Variants in PRH1 observed in about 807,000 individuals in gnomAD.
PRH1 encodes salivary acidic proline-rich phosphoprotein 1/2.
A neutral mutation model predicts 7.9 loss-of-function variants in PRH1; 7 were observed. The observed-to-expected ratio is 0.89, with a 90% CI of 0.50 to 1.67. PRH1 has a LOEUF of 1.67. Ranked by LOEUF, PRH1 falls within the 40% of genes most tolerant of loss-of-function variation. PRH1 has a pLI of 0.00. For synonymous variants in PRH1, 45 were observed against 80.8 expected, an observed-to-expected ratio of 0.56 and a Z score of 2.38; for missense variants, 109 against 223.6, an observed-to-expected ratio of 0.49 and a Z score of 3.27.
chr12:11,026,621 G>C (rs1423840566), intron 1 of PRH1, among the ~76,000 whole-genome samples: 1 of 152,020 alleles, frequency 6.6e-6, no homozygotes, highest in African/African-American at 2.4e-5. Flanking sequence ...CAAAACACTT[G>C]AAAGTTACAG....
chr12:10,889,847 T>C (rs1446178181), intron 2 of PRH1, among the ~76,000 whole-genome samples: 2 of 152,114 alleles, frequency 1.3e-5, no homozygotes. Flanking sequence ...TTCTAAAATA[T>C]CTGTTTTCTT....
rs1331867256 is a variant in PRH1 at position 10,882,075 on chromosome 12, C to T, written c.*18+142G>A. 3 of 1,480,888 alleles carry T rather than the reference C, an allele frequency of 2.0e-6. No individual in the cohort carries two copies. In the African/African-American group the frequency reaches 4.2e-5, roughly 21 times the overall value. The allele number at this position is 1,480,888 out of a possible 1,614,324, so 91.7% of individuals were successfully genotyped here. A position where few individuals can be genotyped will look rare whatever the true frequency, so the allele number is the denominator to read the frequency against. Reference sequence around the variant, plus strand: ...GGTCACAGGGTCTTGATACTCTATACAAGAATATCTGAATAACAATTTTTA... The same window carrying T: ...GGTCACAGGGTCTTGATACTCTATATAAGAATATCTGAATAACAATTTTTA... On this transcript the variant is annotated intron_variant, in intron 3 of 3. Coordinates refer to ENST00000543626, the MANE Select transcript of PRH1 (RefSeq NM_001393989.1).
intron 1 of PRH1, among the ~76,000 whole-genome samples, chr12:10,994,121 A>T (rs1372455240): frequency 1.3e-5 from 2 of 152,210 alleles, no homozygotes; most frequent in African/African-American, 4.8e-5. Flanking sequence ...CATGGGACAC[A>T]AACATGTGCT....
At chr12:10,969,281 G>C (rs775035254) in intron 2 of PRH1, among the ~76,000 whole-genome samples, 1 of 152,002 alleles carries the variant, frequency 6.6e-6, no homozygotes, top group African/African-American at 2.4e-5. Context: ...TTCTCCTCTC[G>C]ATCTTCAGCC....
At position 11,031,105 on chromosome 12, in the gene PRH1, A is replaced by G. The variant is rs748309349; in HGVS notation, c.-126+15915T>C. The G allele has an allele frequency of 9.3e-6, 15 of 1,614,302 alleles. No homozygotes were observed. In the East Asian group the frequency reaches 2.5e-4, roughly 26 times the overall value. On this transcript the variant is annotated intron_variant, in intron 1 of 3. Transcript: ENST00000539853. ...TATAAGCAGTAGTTCTTACTTCTACACTATAAAAAGCTGGATTAAACACAG... is the reference window on the plus strand; with the variant it reads ...TATAAGCAGTAGTTCTTACTTCTACGCTATAAAAAGCTGGATTAAACACAG...
chr12:11,103,075 C>A (rs36175327), intron 1 of PRH1, among the ~76,000 whole-genome samples: 34,641 of 151,994 alleles, frequency 0.23, 4,001 homozygotes, highest in Non-Finnish European at 0.24. Flanking sequence ...GAAATAGGAA[C>A]AATTTACACT....
intron 2 of PRH1, among the ~76,000 whole-genome samples, chr12:10,897,826 C>G (rs1280816517): frequency 1.3e-5 from 2 of 152,150 alleles, no homozygotes; most frequent in Non-Finnish European, 2.9e-5. Flanking sequence ...TCACCTCCCA[C>G]CAGGCCCCAC....
rs1373050648 is a variant in PRH1, at chr12:11,148,569, G to T, written n.39+22853C>A. 2.3e-4 allele frequency among the ~76,000 whole-genome samples: 33 copies of T among 146,370 alleles called. 1 individual carries two copies. Among genetic ancestry groups the T allele is most frequent in the African/African-American group, 8.0e-4 (32 of 39,874 alleles). On this transcript the variant is annotated intron_variant and non_coding_transcript_variant, in intron 1 of 1. Transcript: ENST00000541175. Reference sequence around the variant, plus strand: ...TCATGTGGTTTTTGTCTTTGGTTCTGTTTATATGCTGGATTACATTTATTG... The same window carrying T: ...TCATGTGGTTTTTGTCTTTGGTTCTTTTTATATGCTGGATTACATTTATTG...
intron 1 of PRH1, among the ~76,000 whole-genome samples, chr12:11,052,873 C>A (rs1470172851): frequency 6.6e-6 from 1 of 152,102 alleles, no homozygotes; most frequent in African/African-American, 2.4e-5. Flanking sequence ...GAAAACTGAA[C>A]AAACTACTCT....
intron 2 of PRH1, among the ~76,000 whole-genome samples, chr12:10,897,310 G>A (rs1295884090): frequency 6.6e-6 from 1 of 152,116 alleles, no homozygotes; most frequent in African/African-American, 2.4e-5. Flanking sequence ...ATACATAGGG[G>A]ATATTTCTAT....
rs1358949835 is a variant in PRH1 at position 11,061,790 on chromosome 12, T to A, written n.124-14602A>T. 5 of 1,614,036 alleles carry A rather than the reference T, an allele frequency of 3.1e-6. No individual in the cohort carries two copies. Among genetic ancestry groups the A allele is most frequent in the East Asian group, 2.2e-5 (1 of 44,902 alleles). Reference sequence around the variant, plus strand: ...GTATTTGAAAGGTACATTGCACTCCTCAGTTTGATCTTCCAAGTCATGTTT... The same window carrying A: ...GTATTTGAAAGGTACATTGCACTCCACAGTTTGATCTTCCAAGTCATGTTT... On this transcript the variant is annotated intron_variant and non_coding_transcript_variant, in intron 1 of 4. Transcript: ENST00000541977.
At chr12:10,903,562 G>A (rs910046942) in intron 2 of PRH1, among the ~76,000 whole-genome samples, 1 of 151,864 alleles carries the variant, frequency 6.6e-6, no homozygotes, top group African/African-American at 2.4e-5. Context: ...CAAAACTACA[G>A]CTAACATTAC....
At chr12:11,120,020 T>C (rs903772356), downstream of PRH1, among the ~76,000 whole-genome samples, 2 of 152,212 alleles carry the variant, frequency 1.3e-5, no homozygotes, top group East Asian at 1.9e-4. Flanking sequence ...GTAATATATG[T>C]GCTTGAGAAT....
intron 2 of PRH1, among the ~76,000 whole-genome samples, chr12:10,940,711 ATTC>A (rs771102307): frequency 2.0e-5 from 3 of 152,220 alleles, no homozygotes; most frequent in Non-Finnish European, 4.4e-5. Context: ...TGATACAGTC[ATTC>A]TTCTTCAATA....
intron 2 of PRH1, among the ~76,000 whole-genome samples, chr12:10,912,941 C>T (rs1014362690): frequency 1.4e-4 from 22 of 152,068 alleles, no homozygotes; most frequent in Admixed American, 1.4e-3. Context: ...ATCCTATTTA[C>T]CTTTTCTGAG....
chr12:11,158,347 A>G (rs559497800), intron 1 of PRH1, among the ~76,000 whole-genome samples: 6 of 152,274 alleles, frequency 3.9e-5, no homozygotes, highest in Non-Finnish European at 7.4e-5. Flanking sequence ...ACTGATATAT[A>G]TTATGCTTTA....
intron 1 of PRH1, among the ~76,000 whole-genome samples, chr12:11,157,493 T>C (rs922785350): frequency 2.0e-5 from 3 of 152,344 alleles, no homozygotes; most frequent in African/African-American, 7.2e-5. Context: ...GCCTCTCTTT[T>C]GAAATAAGAG....
intron 1 of PRH1, among the ~76,000 whole-genome samples, chr12:11,042,108 C>T (rs1156514052): frequency 6.6e-6 from 1 of 151,584 alleles, no homozygotes; most frequent in African/African-American, 2.4e-5. Flanking sequence ...ATTAGTAGAA[C>T]ACAAATAATA....
At chr12:10,942,409 G>A (rs1950416851) in intron 2 of PRH1, among the ~76,000 whole-genome samples, 2 of 152,150 alleles carry the variant, frequency 1.3e-5, no homozygotes, top group African/African-American at 4.8e-5. Context: ...GGGGGATGGG[G>A]CTGAGGTTTC....
Sources: allele counts gnomAD v4.1 joint callset (sites outside exome capture counted in the v4.1 genomes callset), GRCh38; gene constraint gnomAD v4.1.1; transcripts MANE v1.5; gene names NCBI Gene and HGNC (gene_info 2026-07-23, HGNC 2026-07-21).